Variants in RTL4 observed in about 807,000 individuals in gnomAD.
RTL4 encodes the protein retrotransposon Gag like 4.
RTL4 carries 4 observed loss-of-function variants against 5.3 expected under a neutral mutation model. The ratio of observed to expected loss-of-function variants is 0.75; its 90% CI spans 0.37 to 1.72. The LOEUF (loss-of-function observed/expected upper bound fraction) is 1.72. Ranked by LOEUF, RTL4 falls within the 40% of genes most tolerant of loss-of-function variation. The pLI is 0.04. For synonymous variants in RTL4, 98 were observed against 87.3 expected (o/e 1.12, Z -0.68); for missense variants, 260 against 227.1 (o/e 1.14, Z -0.93).
chrX:112,324,012 T>C, the RTL4 span, among the ~76,000 whole-genome samples: 2 of 112,520 alleles, frequency 1.8e-5, no homozygotes, highest in East Asian at 5.6e-4. Flanking sequence ...CACAAGGGTG[T>C]GCAACCATCA....
chrX:112,329,719 C>T, the RTL4 span, among the ~76,000 whole-genome samples: 105 of 108,934 alleles, frequency 9.6e-4, no homozygotes, highest in African/African-American at 3.3e-3. Flanking sequence ...AAGAGAATTT[C>T]AGACCAATAT....
the RTL4 span, among the ~76,000 whole-genome samples, chrX:112,333,455 T>C: frequency 3.6e-5 from 4 of 111,764 alleles, no homozygotes; most frequent in African/African-American, 1.3e-4. Context: ...ATCATTTCAC[T>C]ATGTGTATCA....
chrX:112,348,559 A>C, the RTL4 span, among the ~76,000 whole-genome samples: 1 of 110,412 alleles, frequency 9.1e-6, no homozygotes, highest in East Asian at 2.9e-4. Flanking sequence ...ATAGTAACAC[A>C]AACCTACCAT....
chrX:112,307,257 T>C, the RTL4 span, among the ~76,000 whole-genome samples: 1 of 112,110 alleles, frequency 8.9e-6, no homozygotes. Context: ...CAATGCTGTG[T>C]AGAACTCTTA....
At chrX:112,137,473 G>T in the RTL4 span, among the ~76,000 whole-genome samples, 1 of 112,013 alleles carries the variant, frequency 8.9e-6, no homozygotes, top group African/African-American at 3.2e-5. Flanking sequence ...TCCTTCACAA[G>T]GTGGCAGGAG....
chrX:112,173,094 C>T, the RTL4 span, among the ~76,000 whole-genome samples: 3 of 109,858 alleles, frequency 2.7e-5, no homozygotes, highest in Non-Finnish European at 5.7e-5. Context: ...GTGCAGCAAA[C>T]CATCAAGGCA....
the RTL4 span, among the ~76,000 whole-genome samples, chrX:112,249,599 C>T: frequency 1.8e-5 from 2 of 110,468 alleles, no homozygotes; most frequent in African/African-American, 3.3e-5. Context: ...AGAATTCTTT[C>T]TCTCTTCCTG....
chrX:112,131,204 A>G, the RTL4 span, among the ~76,000 whole-genome samples: 1 of 78,255 alleles, frequency 1.3e-5, no homozygotes, highest in Non-Finnish European at 2.4e-5. Context: ...AAAAACATCT[A>G]AGGTATGTAA....
chrX:112,202,537 C>CATTATTATTATTATTATTATTACT, the RTL4 span, among the ~76,000 whole-genome samples: 1 of 97,149 alleles, frequency 1.0e-5, no homozygotes, highest in Admixed American at 1.1e-4. Context: ...TAGTTTTATT[C>CATTATTATTATTATTATTATTACT]ATTATTATTA....
chrX:112,248,424 T>C, the RTL4 span, among the ~76,000 whole-genome samples: 1 of 112,361 alleles, frequency 8.9e-6, no homozygotes, highest in Non-Finnish European at 1.9e-5. Flanking sequence ...GGTAATTTGC[T>C]GCTTTAAACC....
chrX:112,175,049 A>G, the RTL4 span, among the ~76,000 whole-genome samples: 3 of 96,491 alleles, frequency 3.1e-5, no homozygotes, highest in African/African-American at 7.5e-5. Context: ...CTCTGATGGT[A>G]GTTTCTTTTG....
the RTL4 span, among the ~76,000 whole-genome samples, chrX:112,271,204 A>G: frequency 8.8e-6 from 1 of 113,014 alleles, no homozygotes; most frequent in Non-Finnish European, 1.9e-5. Flanking sequence ...ACAAATGGAT[A>G]GAGTGGGAGG....
the RTL4 span, among the ~76,000 whole-genome samples, chrX:112,117,165 A>G: frequency 9.1e-6 from 1 of 110,226 alleles, no homozygotes; most frequent in African/African-American, 3.3e-5. Flanking sequence ...TTTACCACAT[A>G]ATCGTTATAT....
chrX:112,162,839 A>AG, the RTL4 span, among the ~76,000 whole-genome samples: 1 of 111,112 alleles, frequency 9.0e-6, no homozygotes, highest in African/African-American at 3.3e-5. Flanking sequence ...GAGGATCCTA[A>AG]GGCGGGTAGT....
the RTL4 span, among the ~76,000 whole-genome samples, chrX:112,114,357 T>A: frequency 2.7e-5 from 3 of 111,643 alleles, no homozygotes. Flanking sequence ...ATTCTATCAT[T>A]TACTTGACTA....
chrX:112,273,019 C>T, the RTL4 span, among the ~76,000 whole-genome samples: 1 of 110,648 alleles, frequency 9.0e-6, no homozygotes, highest in Admixed American at 9.6e-5. Flanking sequence ...AATCACCATG[C>T]GGCCATAACA....
chrX:112,125,095 G>A, the RTL4 span, among the ~76,000 whole-genome samples: 1 of 106,519 alleles, frequency 9.4e-6, no homozygotes, highest in African/African-American at 3.5e-5. Context: ...TATTAGAGAT[G>A]GGGTTTCACC....
At chrX:112,219,890 A>G in the RTL4 span, among the ~76,000 whole-genome samples, 1 of 111,825 alleles carries the variant, frequency 8.9e-6, no homozygotes, top group Admixed American at 9.5e-5. Context: ...CCCTAATCTA[A>G]TAATTGCTTA....
chrX:112,271,049 G>GAAA, the RTL4 span, among the ~76,000 whole-genome samples: 41 of 60,844 alleles, frequency 6.7e-4, no homozygotes, highest in African/African-American at 2.1e-3. Context: ...CCTGGAGACA[G>GAAA]AAAAAAAAAA....
Sources: gnomAD v4.1 joint callset for allele counts (sites outside exome capture counted in the v4.1 genomes callset) on GRCh38, gnomAD v4.1.1 for gene constraint, MANE v1.5 for transcripts, NCBI Gene and HGNC (gene_info 2026-07-23, HGNC 2026-07-21) for gene names.